Variants in SEC22C observed in about 807,000 individuals in gnomAD.
The protein encoded by SEC22C is SEC22 homolog C, vesicle trafficking protein.
SEC22C carries 29 observed loss-of-function variants against 34.7 expected under a neutral mutation model. That is an observed-to-expected ratio of 0.84 (90% confidence interval 0.62 to 1.14). The LOEUF (loss-of-function observed/expected upper bound fraction) is 1.14, where lower values mean the gene tolerates loss of function less well. Among genes scored for constraint, SEC22C ranks in the 50% most tolerant of loss-of-function variants. The pLI is 0.00. For synonymous variants in SEC22C, 117 were observed against 132.8 expected, an observed-to-expected ratio of 0.88 and a Z score of 0.82; for missense variants, 337 against 369.0, an observed-to-expected ratio of 0.91 and a Z score of 0.71.
chr3:42,563,760 C>A, intron 2 of SEC22C, 74 bp from the exon 3 acceptor site: 1 of 1,600,738 alleles, frequency 6.2e-7, no homozygotes, highest in East Asian at 2.3e-5. Flanking sequence ...CAGACACAAC[C>A]TTACCTGAAT....
chr3:42,548,399 TTAATTTTACCCTAAA>T lies in SEC22C; in HGVS notation c.*4834_*4848del. The T allele has an allele frequency of 1.7e-6, 1 of 596,584 alleles. No homozygotes were observed. The allele number at this position is 596,584 out of a possible 1,614,324, so 37.0% of individuals were successfully genotyped here. On this transcript the variant is annotated 3_prime_UTR_variant, in exon 7 of 7. Transcript: ENST00000264454. ...GGGTCAGAGGAATAGAATGGATTTGTTAATTTTACCCTAAATAAAAGGCGCTTGTGGGCAACAGCT... is the reference window on the plus strand; with the variant it reads ...GGGTCAGAGGAATAGAATGGATTTGTTAAAAGGCGCTTGTGGGCAACAGCT...
At chr3:42,588,993 A>G (rs1339779012) in intron 1 of SEC22C, among the ~76,000 whole-genome samples, 2 of 152,110 alleles carry the variant, frequency 1.3e-5, no homozygotes, top group African/African-American at 4.8e-5. Context: ...GGCCGGGCAC[A>G]GTAGCTCACA....
upstream of SEC22C, among the ~76,000 whole-genome samples, chr3:42,584,955 C>T (rs967090851): frequency 2.5e-4 from 38 of 152,166 alleles, no homozygotes; most frequent in South Asian, 8.3e-4. Flanking sequence ...GGCAAAACCC[C>T]GTCTCTATTG....
At position 42,599,026 on chromosome 3, in the gene SEC22C, A is replaced by T. The variant is rs193099999; in HGVS notation, c.-28+1934T>A. 4.2e-4 allele frequency among the ~76,000 whole-genome samples: 62 copies of T among 148,920 alleles called. No individual in the cohort carries two copies. In the East Asian group the frequency reaches 0.011, roughly 27 times the overall value. On this transcript the variant is annotated intron_variant, in intron 1 of 6. Coordinates refer to the SEC22C transcript ENST00000417572. ...TGTCACCCAGGCTGGAATGCAGTGG[A>T]CCGATCTCGGCTCACTGCAAGCTCT...
chr3:42,593,689 A>C (rs368818553), intron 1 of SEC22C, among the ~76,000 whole-genome samples: 13 of 152,182 alleles, frequency 8.5e-5, no homozygotes, highest in African/African-American at 3.1e-4. Flanking sequence ...TCTAGAATCT[A>C]TAAGGAAATG....
chr3:42,597,262 G>A (rs1468335864), intron 1 of SEC22C, among the ~76,000 whole-genome samples: 1 of 152,066 alleles, frequency 6.6e-6, no homozygotes, highest in Non-Finnish European at 1.5e-5. Context: ...ACTTTAAAAA[G>A]GTGACATGGA....
At chr3:42,555,478 CA>C (rs1702479056) in intron 6 of SEC22C, among the ~76,000 whole-genome samples, 1 of 152,310 alleles carries the variant, frequency 6.6e-6, no homozygotes, top group East Asian at 1.9e-4. Context: ...GTGTGAGCCA[CA>C]ATGCCTGCCT....
chr3:42,560,096 T>TTCTC (rs4016302), intron 4 of SEC22C, among the ~76,000 whole-genome samples: 153 of 138,690 alleles, frequency 1.1e-3, no homozygotes, highest in African/African-American at 3.4e-3. Flanking sequence ...ATGATAAGGA[T>TTCTC]TCTCTCTCTC....
chr3:42,563,303 C>A (rs967061039), intron 3 of SEC22C, among the ~76,000 whole-genome samples: 1 of 152,232 alleles, frequency 6.6e-6, no homozygotes, highest in African/African-American at 2.4e-5. Flanking sequence ...CTCCACCCTG[C>A]CCCCAGGCTC....
At position 42,552,203 on chromosome 3, in the gene SEC22C, C is replaced by T. The variant is rs954457816; in HGVS notation, c.*1045G>A. On this transcript the variant is annotated 3_prime_UTR_variant, in exon 7 of 7. Coordinates refer to ENST00000264454, the MANE Select transcript of SEC22C (RefSeq NM_032970.4). The stretch of plus-strand genomic sequence containing the variant: ...TTAAAAAGTTAACAGATACTTAACT[C>T]TTGTTCATAAAAAATGAGGCCCTCA... The T allele has an allele frequency of 1.0e-6, 1 of 984,990 alleles. No homozygotes were observed. Among genetic ancestry groups the T allele is most frequent in the Non-Finnish European group, 1.2e-6 (1 of 829,656 alleles). 61.0% of individuals were successfully genotyped at this position (984,990 alleles called of 1,614,324 possible). A position where few individuals can be genotyped will look rare whatever the true frequency, so the allele number is the denominator to read the frequency against.
chr3:42,592,344 C>A (rs1463539514), intron 1 of SEC22C, among the ~76,000 whole-genome samples: 1 of 152,028 alleles, frequency 6.6e-6, no homozygotes, highest in Non-Finnish European at 1.5e-5. Flanking sequence ...GGACTACAGG[C>A]GTGTGCCACC....
At chr3:42,597,052 C>G (rs774525266) in intron 1 of SEC22C, among the ~76,000 whole-genome samples, 3 of 152,182 alleles carry the variant, frequency 2.0e-5, no homozygotes, top group Non-Finnish European at 4.4e-5. Flanking sequence ...ACTATTTCAT[C>G]TCCAGAAAGG....
intron 1 of SEC22C, chr3:42,591,642 G>A (rs1255323012): frequency 7.3e-7 from 1 of 1,368,740 alleles, no homozygotes. Context: ...TGTGGGTAGA[G>A]GGGAAGCCTG....
intron 1 of SEC22C, among the ~76,000 whole-genome samples, chr3:42,599,801 G>A (rs1320371772): frequency 6.6e-6 from 1 of 152,000 alleles, no homozygotes; most frequent in Non-Finnish European, 1.5e-5. Context: ...AATGATATTA[G>A]ATCATATCAT....
chr3:42,593,911 G>A (rs988940387), intron 1 of SEC22C, among the ~76,000 whole-genome samples: 2 of 152,046 alleles, frequency 1.3e-5, no homozygotes, highest in East Asian at 1.9e-4. Context: ...GGAGTGTGCC[G>A]GATATCTTCA....
chr3:42,593,171 G>A (rs1704912633), intron 1 of SEC22C, among the ~76,000 whole-genome samples: 1 of 152,190 alleles, frequency 6.6e-6, no homozygotes, highest in Non-Finnish European at 1.5e-5. Context: ...GCATTACAGT[G>A]GGAGGCTGAG....
intron 1 of SEC22C, among the ~76,000 whole-genome samples, chr3:42,575,281 A>G (rs1010192288): frequency 2.0e-5 from 3 of 152,260 alleles, no homozygotes; most frequent in African/African-American, 7.2e-5. Context: ...TCCCTAATAT[A>G]TATCAATGAT....
chr3:42,566,250 C>T (rs1433202813), intron 2 of SEC22C, among the ~76,000 whole-genome samples: 1 of 152,152 alleles, frequency 6.6e-6, no homozygotes, highest in African/African-American at 2.4e-5. Flanking sequence ...TTTGTCACCC[C>T]CTTCAGGACA....
At chr3:42,592,158 T>C (rs1704872959) in intron 1 of SEC22C, among the ~76,000 whole-genome samples, 1 of 152,190 alleles carries the variant, frequency 6.6e-6, no homozygotes, top group Non-Finnish European at 1.5e-5. Flanking sequence ...AGTCTGAGTC[T>C]CTTTTCCGAA....
Sources: gnomAD v4.1 joint callset for allele counts (sites outside exome capture counted in the v4.1 genomes callset) on GRCh38, gnomAD v4.1.1 for gene constraint, MANE v1.5 for transcripts, NCBI Gene and HGNC (gene_info 2026-07-23, HGNC 2026-07-21) for gene names.